The following MID1 variants were observed in gnomAD, a reference collection of about 807,000 sequenced individuals.
MID1 encodes the protein E3 ubiquitin-protein ligase Midline-1.
Under a neutral mutation model 40.4 loss-of-function variants are expected in MID1, and 7 were observed. That is an observed-to-expected ratio of 0.17 (90% CI 0.10 to 0.33). The LOEUF (loss-of-function observed/expected upper bound fraction) is 0.33, where lower values mean the gene tolerates loss of function less well. Among genes scored for constraint, MID1 ranks in the 10% least tolerant of loss-of-function variants. The pLI, the probability that MID1 is intolerant of heterozygous loss-of-function variation, is 1.00. For missense variants in MID1, 367 were observed against 558.5 expected (o/e 0.66, Z 3.46); for synonymous variants, 229 against 221.2 (o/e 1.04, Z -0.31).
intron 1 of MID1, among the ~76,000 whole-genome samples, chrX:10,602,814 GCTCATT>G (rs1406348785): frequency 8.9e-6 from 1 of 111,996 alleles, no homozygotes; most frequent in Non-Finnish European, 1.9e-5. Flanking sequence ...GCCACCACAT[GCTCATT>G]CTATCATTTA....
intron 2 of MID1, among the ~76,000 whole-genome samples, chrX:10,524,211 T>C (rs748356633): frequency 8.9e-6 from 1 of 111,962 alleles, no homozygotes; most frequent in East Asian, 2.8e-4. Flanking sequence ...GGAATGACTA[T>C]TTAATCCTAT....
At chrX:10,525,702 C>G (rs181431510) in intron 2 of MID1, among the ~76,000 whole-genome samples, 16 of 112,563 alleles carry the variant, frequency 1.4e-4, no homozygotes, top group African/African-American at 4.8e-4. Flanking sequence ...AACAGAGGCA[C>G]AGATCCTAGT....
intron 2 of MID1, among the ~76,000 whole-genome samples, chrX:10,527,072 G>C (rs1932847838): frequency 8.9e-6 from 1 of 111,981 alleles, no homozygotes; most frequent in Non-Finnish European, 1.9e-5. Context: ...TCTTGATTTT[G>C]ATTGTGACTT....
At chrX:10,480,284 T>C (rs7877095) in intron 5 of MID1, among the ~76,000 whole-genome samples, 3,131 of 112,326 alleles carry the variant, frequency 0.028, 89 homozygotes, top group African/African-American at 0.097. Flanking sequence ...TACGTCCCAC[T>C]GGAACTGAGG....
intron 1 of MID1, among the ~76,000 whole-genome samples, chrX:10,819,856 G>A (rs12012045): frequency 0.019 from 2,146 of 111,718 alleles, 42 homozygotes; most frequent in African/African-American, 0.054. Context: ...GTAACATTCC[G>A]CAAGCTATAG....
At chrX:10,506,341 T>C (rs1931832175) in intron 3 of MID1, 1 of 1,090,013 alleles carries the variant, frequency 9.2e-7, no homozygotes, top group Non-Finnish European at 1.2e-6. Flanking sequence ...GATGGTCAAA[T>C]TGTTGCCAGA....
chrX:10,763,863 T>G (rs1441313188), intron 1 of MID1, among the ~76,000 whole-genome samples: 2 of 112,168 alleles, frequency 1.8e-5, no homozygotes, highest in Non-Finnish European at 3.8e-5. Context: ...CCATTCTAAC[T>G]GGTGTGAGAT....
At chrX:10,785,840 G>A (rs2043878785) in intron 1 of MID1, among the ~76,000 whole-genome samples, 1 of 112,280 alleles carries the variant, frequency 8.9e-6, no homozygotes, top group Admixed American at 9.4e-5. Context: ...AGATTTAAAT[G>A]TTAGACCTAA....
intron 1 of MID1, among the ~76,000 whole-genome samples, chrX:10,769,756 G>A (rs1217482497): frequency 1.8e-5 from 2 of 111,557 alleles, no homozygotes; most frequent in Non-Finnish European, 3.8e-5. Context: ...TTTGAATCCT[G>A]CACCGAGGCT....
chrX:10,527,902 T>C (rs1012350675), intron 2 of MID1, among the ~76,000 whole-genome samples: 1 of 111,759 alleles, frequency 8.9e-6, no homozygotes, highest in Non-Finnish European at 1.9e-5. Flanking sequence ...AGGTGCTTCC[T>C]GGATCACCTC....
chrX:10,640,916 C>T lies in MID1; in HGVS notation c.-186-20497G>A, dbSNP rs1477767481. 1.8e-5 allele frequency among the ~76,000 whole-genome samples: 2 copies of T among 112,113 alleles called. 1 individual carries two copies. The highest frequency in any genetic ancestry group is 1.9e-4 in the Admixed American group (2 of 10,582). On this transcript the variant is annotated intron_variant, in intron 1 of 10. Coordinates refer to the MID1 transcript ENST00000380785. ...TGAACAACCTGCTCCTGAATGACTA[C>T]TGGGTACATAACGAAATGAAGGCAG...
intron 2 of MID1, among the ~76,000 whole-genome samples, chrX:10,548,451 G>A (rs1298971952): frequency 8.9e-6 from 1 of 112,088 alleles, no homozygotes; most frequent in Non-Finnish European, 1.9e-5. Context: ...GGAAATCATT[G>A]ATTGAACACC....
At chrX:10,777,298 C>T (rs1238227335) in intron 1 of MID1, among the ~76,000 whole-genome samples, 1 of 109,471 alleles carries the variant, frequency 9.1e-6, no homozygotes, top group African/African-American at 3.3e-5. Flanking sequence ...CCCAGGTTCA[C>T]GCCATTCTCC....
At chrX:10,720,178 A>G (rs894751198) in intron 1 of MID1, among the ~76,000 whole-genome samples, 2 of 112,037 alleles carry the variant, frequency 1.8e-5, no homozygotes, top group African/African-American at 6.5e-5. Context: ...CAATGGCAAC[A>G]AAAGCGAAAA....
intron 1 of MID1, among the ~76,000 whole-genome samples, chrX:10,651,127 AC>A (rs1259685471): frequency 1.8e-5 from 2 of 111,470 alleles, no homozygotes; most frequent in Non-Finnish European, 3.8e-5. Flanking sequence ...GGCTTCTTTC[AC>A]CTACCATCTT....
intron 1 of MID1, among the ~76,000 whole-genome samples, chrX:10,636,049 T>C (rs955764908): frequency 2.7e-5 from 3 of 112,018 alleles, no homozygotes; most frequent in Admixed American, 9.5e-5. Context: ...CTTTGTTAGA[T>C]AGAGAGAAAG....
rs777527946 is a variant in MID1 at position 10,785,237 on chromosome X, T to A, written c.-187+48317A>T. Among the ~76,000 whole-genome samples the A allele has an allele frequency of 3.7e-3, 406 of 108,744 alleles. 2 individuals carry two copies. The highest frequency in any genetic ancestry group is 0.013 in the African/African-American group (381 of 29,325). 94.4% of individuals were successfully genotyped at this position (108,744 alleles called of 115,157 possible). On this transcript the variant is annotated intron_variant, in intron 1 of 10. Coordinates refer to the MID1 transcript ENST00000380785. The stretch of plus-strand genomic sequence containing the variant: ...CACAATTGCTTCAAAGAGAATAAAA[T>A]ACCTAGGAATCCAACTTACAAGGGA...
At chrX:10,687,525 T>C (rs5979340) in intron 1 of MID1, among the ~76,000 whole-genome samples, 10,419 of 112,104 alleles carry the variant, frequency 0.093, 765 homozygotes, top group African/African-American at 0.25. Flanking sequence ...TGGAACAGTA[T>C]GTTAGATATG....
chrX:10,592,157 GTGTGTGTGTGTGTATA>G (rs1215203507), intron 1 of MID1, among the ~76,000 whole-genome samples: 1 of 106,629 alleles, frequency 9.4e-6, no homozygotes, highest in African/African-American at 3.4e-5. Flanking sequence ...GTGTGTGTGT[GTGTGTGTGTGTGTATA>G]TGTGTGTGTG....
Sources: allele counts gnomAD v4.1 joint callset (sites outside exome capture counted in the v4.1 genomes callset), GRCh38; gene constraint gnomAD v4.1.1; transcripts MANE v1.5; gene names NCBI Gene and HGNC (gene_info 2026-07-23, HGNC 2026-07-21).